Variants in TOX observed in about 807,000 individuals in gnomAD.
The protein encoded by TOX is thymocyte selection-associated high mobility group box protein TOX.
TOX carries 11 observed loss-of-function variants against 53.7 expected under a neutral mutation model. That is an observed-to-expected ratio of 0.20 (90% confidence interval 0.13 to 0.34). The LOEUF is 0.34. Ranked by LOEUF, TOX falls within the 10% of genes least tolerant of loss-of-function variation. The probability of loss-of-function intolerance (pLI) is 1.00; values close to 1 mark genes in which losing one functional copy is unlikely to be tolerated. For synonymous variants in TOX, 225 were observed against 245.3 expected (o/e 0.92, Z 0.77); for missense variants, 570 against 664.6 (o/e 0.86, Z 1.56).
chr8:59,094,001 C>T (rs144817399), intron 1 of TOX, among the ~76,000 whole-genome samples: 80 of 152,074 alleles, frequency 5.3e-4, no homozygotes, highest in Non-Finnish European at 1.0e-3. Context: ...AGCCAGCAAA[C>T]TAAGGACTTT....
chr8:58,829,822 A>G (rs991013961), intron 5 of TOX, among the ~76,000 whole-genome samples: 3 of 152,176 alleles, frequency 2.0e-5, no homozygotes, highest in Non-Finnish European at 4.4e-5. Flanking sequence ...AGTAGGGGAA[A>G]TCCTTTAAAA....
intron 3 of TOX, among the ~76,000 whole-genome samples, chr8:58,910,211 C>A (rs1811886491): frequency 6.6e-6 from 1 of 152,106 alleles, no homozygotes; most frequent in Non-Finnish European, 1.5e-5. Flanking sequence ...TTGTATTTGA[C>A]AAATGTTTTT....
intron 3 of TOX, among the ~76,000 whole-genome samples, chr8:58,899,523 T>C (rs1157468873): frequency 6.6e-6 from 1 of 152,202 alleles, no homozygotes; most frequent in African/African-American, 2.4e-5. Context: ...AACTATGGAA[T>C]TAACAAAGAC....
intron 6 of TOX, among the ~76,000 whole-genome samples, chr8:58,819,985 C>A (rs1330186392): frequency 6.6e-6 from 1 of 152,154 alleles, no homozygotes; most frequent in Non-Finnish European, 1.5e-5. Flanking sequence ...TTAACTTATA[C>A]CCTGAAGCAT....
At chr8:59,104,877 G>A (rs1338107306) in intron 1 of TOX, among the ~76,000 whole-genome samples, 1 of 152,096 alleles carries the variant, frequency 6.6e-6, no homozygotes, top group African/African-American at 2.4e-5. Flanking sequence ...CCAGCACTTT[G>A]ACCACAGACT....
At chr8:58,975,257 C>G (rs953421567) in intron 1 of TOX, among the ~76,000 whole-genome samples, 34 of 148,440 alleles carry the variant, frequency 2.3e-4, no homozygotes, top group African/African-American at 8.0e-4. Flanking sequence ...CACACACACA[C>G]ACACACCCCC....
intron 1 of TOX, among the ~76,000 whole-genome samples, chr8:59,055,687 G>A (rs117822831): frequency 1.4e-3 from 215 of 152,258 alleles, no homozygotes; most frequent in Non-Finnish European, 2.4e-3. Context: ...TGGGTCAAAT[G>A]TTTTGAAGAA....
chr8:58,938,429 C>T (rs1480182082), intron 3 of TOX, among the ~76,000 whole-genome samples: 1 of 152,080 alleles, frequency 6.6e-6, no homozygotes, highest in Non-Finnish European at 1.5e-5. Flanking sequence ...CCAAAAAGTG[C>T]TAATTAAAAG....
chr8:58,997,786 G>T (rs1259901337), intron 1 of TOX, among the ~76,000 whole-genome samples: 1 of 151,986 alleles, frequency 6.6e-6, no homozygotes, highest in African/African-American at 2.4e-5. Flanking sequence ...ACCGCTTTTT[G>T]TTTTTGTTTT....
chr8:58,964,435 G>C (rs1026495967), intron 1 of TOX, among the ~76,000 whole-genome samples: 1 of 152,052 alleles, frequency 6.6e-6, no homozygotes, highest in African/African-American at 2.4e-5. Context: ...ACCCTATCAG[G>C]TTAATATTAT....
intron 3 of TOX, among the ~76,000 whole-genome samples, chr8:58,893,052 T>C (rs1286661996): frequency 6.6e-6 from 1 of 152,218 alleles, no homozygotes; most frequent in Non-Finnish European, 1.5e-5. Flanking sequence ...AAATAAATTG[T>C]CTTTATATTA....
Position 59,118,778 on chromosome 8 carries a change from C to T in TOX, c.102+108G>A, listed in dbSNP as rs1805155163. ...TGCAGCGGGCTGCGAGCCGAGCGCG[C>T]CCGGGACCGGCCTCCGCCAAGCCGG... is the stretch of plus-strand genomic sequence containing the variant. On this transcript the variant is annotated intron_variant, in intron 1 of 8. Coordinates refer to ENST00000361421, the MANE Select transcript of TOX (RefSeq NM_014729.3). This position sits in a 1 kb window ranked among gnomAD's most constrained non-coding sequence, Gnocchi z 4.1. 1 of 704,456 alleles carries T rather than the reference C, an allele frequency of 1.4e-6. No homozygotes were observed. Among genetic ancestry groups the T allele is most frequent in the Non-Finnish European group, 2.2e-6 (1 of 461,952 alleles). The allele number at this position is 704,456 out of a possible 1,614,324, so 43.6% of individuals were successfully genotyped here. A position where few individuals can be genotyped will look rare whatever the true frequency, so the allele number is the denominator to read the frequency against.
chr8:59,093,712 C>T (rs1804664705), intron 1 of TOX, among the ~76,000 whole-genome samples: 1 of 152,288 alleles, frequency 6.6e-6, no homozygotes, highest in South Asian at 2.1e-4. Context: ...CTTGCTTCTA[C>T]ATATATGGCC....
intron 3 of TOX, among the ~76,000 whole-genome samples, chr8:58,933,839 T>C (rs973492135): frequency 6.6e-6 from 1 of 152,198 alleles, no homozygotes; most frequent in African/African-American, 2.4e-5. Context: ...CTGTTTCCTC[T>C]AACTCCTGCA....
At chr8:59,027,431 C>T (rs1814265346) in intron 1 of TOX, among the ~76,000 whole-genome samples, 1 of 142,052 alleles carries the variant, frequency 7.0e-6, no homozygotes, top group African/African-American at 2.6e-5. Context: ...GAAATGGGTC[C>T]TTATGTCATA....
chr8:58,821,510 T>C (rs1425869374), intron 6 of TOX, among the ~76,000 whole-genome samples: 1 of 152,182 alleles, frequency 6.6e-6, no homozygotes, highest in Non-Finnish European at 1.5e-5. Context: ...TCCAGTATTG[T>C]TGACTCTAGG....
intron 1 of TOX, among the ~76,000 whole-genome samples, chr8:59,092,355 TTA>T (rs1338676002): frequency 4.4e-4 from 58 of 132,438 alleles, no homozygotes; most frequent in Middle Eastern, 7.2e-3. Flanking sequence ...ATTATATATA[TTA>T]TATATATATA....
At chr8:59,024,996 C>T (rs949076518) in intron 1 of TOX, among the ~76,000 whole-genome samples, 3 of 152,126 alleles carry the variant, frequency 2.0e-5, no homozygotes, top group Non-Finnish European at 4.4e-5. Context: ...ACAGAAATCC[C>T]TTTATGCTTT....
intron 3 of TOX, among the ~76,000 whole-genome samples, chr8:58,935,400 T>C (rs982705771): frequency 6.6e-6 from 1 of 152,232 alleles, no homozygotes; most frequent in South Asian, 2.1e-4. Context: ...AGGCTCAGCT[T>C]TGATCACATT....
Sources: allele counts gnomAD v4.1 joint callset (sites outside exome capture counted in the v4.1 genomes callset), GRCh38; gene constraint gnomAD v4.1.1; non-coding constraint Gnocchi (gnomAD v3.1); transcripts MANE v1.5; gene names NCBI Gene and HGNC (gene_info 2026-07-23, HGNC 2026-07-21).